Variants in SBF2 observed in about 807,000 individuals in gnomAD.
SBF2 encodes SET binding factor 2.
In SBF2, 112 loss-of-function variants were observed where a neutral mutation model predicts 225.2. That is an observed-to-expected ratio of 0.50 (90% confidence interval 0.43 to 0.58). The LOEUF (loss-of-function observed/expected upper bound fraction) is 0.58, where lower values mean the gene tolerates loss of function less well. Ranked by LOEUF, SBF2 falls within the 20% of genes least tolerant of loss-of-function variation. The pLI is 0.00. For missense variants in SBF2, 1,996 were observed against 2,206.2 expected, an observed-to-expected ratio of 0.90 and a Z score of 1.91; for synonymous variants, 763 against 773.3, an observed-to-expected ratio of 0.99 and a Z score of 0.22.
intron 17 of SBF2, among the ~76,000 whole-genome samples, chr11:9,882,563 C>A (rs796619502): frequency 6.6e-6 from 1 of 152,100 alleles, no homozygotes; most frequent in Non-Finnish European, 1.5e-5. Flanking sequence ...AATCCCAGCA[C>A]TTTGGGAGGC....
intron 4 of SBF2, 48 bp downstream of exon 4, chr11:10,031,000 G>A (rs201365586): frequency 6.7e-7 from 1 of 1,499,676 alleles, no homozygotes; most frequent in African/African-American, 1.4e-5. Flanking sequence ...TCATTCAAGA[G>A]ACTCACACAA....
Position 9,956,646 on chromosome 11 carries a change from G to T in SBF2, c.1860+5311C>A, listed in dbSNP as rs184671867. 1.8e-4 allele frequency: 27 copies of T among 148,830 alleles called. No individual in the cohort carries two copies. The East Asian group carries it at 5.4e-3, about 30-fold the overall frequency. The allele number at this position is 148,830 out of a possible 1,614,324, so 9.2% of individuals were successfully genotyped here. A position where few individuals can be genotyped will look rare whatever the true frequency, so the allele number is the denominator to read the frequency against. Reference sequence around the variant, plus strand: ...TGGGCAGTTACACAATTTGTTTATAGTAAGGAGTTGTCTGACTTTGAGCAT... The same window carrying T: ...TGGGCAGTTACACAATTTGTTTATATTAAGGAGTTGTCTGACTTTGAGCAT... On this transcript the variant is annotated intron_variant, in intron 16 of 39. Transcript: ENST00000256190.
chr11:10,143,982 G>A (rs1469302219), intron 2 of SBF2, among the ~76,000 whole-genome samples: 1 of 152,266 alleles, frequency 6.6e-6, no homozygotes, highest in South Asian at 2.1e-4. Context: ...GCCTCCCAAA[G>A]TGCTGGGATT....
chr11:10,266,563 T>A (rs1290137271), intron 1 of SBF2, among the ~76,000 whole-genome samples: 1 of 152,050 alleles, frequency 6.6e-6, no homozygotes, highest in Admixed American at 6.6e-5. Flanking sequence ...AAACATTCCT[T>A]TTAAAAAAAA....
In SBF2 at chr11:9,941,956, T is replaced by TA. The variant is rs532437780; in HGVS notation, c.1860+20000dup. On this transcript the variant is annotated intron_variant, in intron 16 of 39. Coordinates refer to ENST00000256190, the MANE Select transcript of SBF2 (RefSeq NM_030962.4). ...AAGTTTACTGTATTTCTATATATTT[T>TA]AAAAAAAGCAATTAGAAAATGCAAT... Among the ~76,000 whole-genome samples, 577 of 152,286 alleles carry TA rather than the reference T, an allele frequency of 3.8e-3. 4 individuals are homozygous for TA. The highest frequency in any genetic ancestry group is 5.4e-3 in the South Asian group (26 of 4,832).
At chr11:9,950,140 G>A (rs1311687879) in intron 16 of SBF2, among the ~76,000 whole-genome samples, 1 of 149,498 alleles carries the variant, frequency 6.7e-6, no homozygotes, top group Non-Finnish European at 1.5e-5. Context: ...CTTCTCGTAA[G>A]CAGGGATTAA....
At chr11:10,087,733 G>T (rs1175811785) in intron 2 of SBF2, among the ~76,000 whole-genome samples, 1 of 152,120 alleles carries the variant, frequency 6.6e-6, no homozygotes, top group Non-Finnish European at 1.5e-5. Flanking sequence ...TGTATATTTT[G>T]ATTTATTTCC....
At chr11:9,860,990 T>C (rs2134015211) in intron 17 of SBF2, among the ~76,000 whole-genome samples, 1 of 152,360 alleles carries the variant, frequency 6.6e-6, no homozygotes, top group East Asian at 1.9e-4. Flanking sequence ...GTATATTTGC[T>C]TTCCTTGGCA....
intron 16 of SBF2, among the ~76,000 whole-genome samples, chr11:9,918,034 CTTCT>C (rs1863254028): frequency 6.6e-6 from 1 of 151,144 alleles, no homozygotes; most frequent in South Asian, 2.1e-4. Flanking sequence ...GCAAAGTGAC[CTTCT>C]TTCTATCTAT....
chr11:10,264,477 A>G (rs1287743716), intron 1 of SBF2, among the ~76,000 whole-genome samples: 1 of 152,188 alleles, frequency 6.6e-6, no homozygotes, highest in Non-Finnish European at 1.5e-5. Flanking sequence ...TATTAATTCA[A>G]TATGTATTTA....
Position 9,779,938 on chromosome 11 carries a change from C to T in SBF2, c.*480G>A, listed in dbSNP as rs148002177. 2.8e-4 allele frequency: 64 copies of T among 226,006 alleles called. No individual in the cohort carries two copies. The highest frequency in any genetic ancestry group is 1.1e-3 in the Admixed American group (22 of 19,688). 14.0% of individuals were successfully genotyped at this position (226,006 alleles called of 1,614,324 possible). A position where few individuals can be genotyped will look rare whatever the true frequency, so the allele number is the denominator to read the frequency against. ...GGCAGCACCAGAGAACTGAGCATCT[C>T]AAAGGTCAGGCATTACAAGTAGATG... On this transcript the variant is annotated 3_prime_UTR_variant, in exon 40 of 40. Transcript: ENST00000256190.
At chr11:10,115,839 A>C (rs1328133232) in intron 2 of SBF2, among the ~76,000 whole-genome samples, 3 of 152,192 alleles carry the variant, frequency 2.0e-5, no homozygotes, top group South Asian at 2.1e-4. Context: ...GTAAGTTATA[A>C]TACTACTACA....
At position 10,059,751 on chromosome 11, in the gene SBF2, GA is replaced by G; in HGVS notation, c.142-16771del. On this transcript the variant is annotated intron_variant, in intron 2 of 39. Transcript: ENST00000256190. Reference sequence around the variant, plus strand: ...TTGCTCAAAACCATACAATTATTTGGAAAATAAACAACATGCTCCTGAGTGA... The same window carrying G: ...TTGCTCAAAACCATACAATTATTTGGAAATAAACAACATGCTCCTGAGTGA... 2.0e-5 allele frequency among the ~76,000 whole-genome samples: 3 copies of G among 152,240 alleles called. No homozygotes were observed. The Middle Eastern group carries it at 0.01, about 518-fold the overall frequency.
At chr11:9,971,684 A>G (rs1946465991) in intron 13 of SBF2, among the ~76,000 whole-genome samples, 1 of 152,128 alleles carries the variant, frequency 6.6e-6, no homozygotes, top group Non-Finnish European at 1.5e-5. Flanking sequence ...GTCTCAAGAA[A>G]GGAAAAAGAA....
intron 2 of SBF2, among the ~76,000 whole-genome samples, chr11:10,072,802 G>C (rs61644008): frequency 6.8e-6 from 1 of 147,200 alleles, no homozygotes; most frequent in Non-Finnish European, 1.5e-5. Flanking sequence ...CACCATCTCA[G>C]ATCACTGCTG....
upstream of SBF2, among the ~76,000 whole-genome samples, chr11:10,294,715 C>G (rs1362881154): frequency 6.6e-6 from 1 of 152,226 alleles, no homozygotes; most frequent in Non-Finnish European, 1.5e-5. Context: ...GAGGCTTTTA[C>G]GCAATCCTCC....
At chr11:9,783,581 T>G (rs1852174596) in intron 38 of SBF2, among the ~76,000 whole-genome samples, 1 of 152,346 alleles carries the variant, frequency 6.6e-6, no homozygotes, top group African/African-American at 2.4e-5. Flanking sequence ...GCAGAGTTGC[T>G]GGAGGTTTGG....
rs1284778950 is a variant in SBF2 at position 10,272,292 on chromosome 11, A to C, written c.55+21723T>G. The stretch of plus-strand genomic sequence containing the variant: ...GCGCTGGGCTCCTAGGGGCTGCAGC[A>C]ATCTTGATTCTTTAGGAGAATGACA... On this transcript the variant is annotated intron_variant, in intron 1 of 39. Coordinates refer to ENST00000256190, the MANE Select transcript of SBF2 (RefSeq NM_030962.4). 3 of 1,014,918 alleles carry C rather than the reference A, an allele frequency of 3.0e-6. 1 individual carries two copies. Among genetic ancestry groups the C allele is most frequent in the Admixed American group, 5.0e-5 (2 of 39,764 alleles). 62.9% of individuals were successfully genotyped at this position (1,014,918 alleles called of 1,614,324 possible).
intron 1 of SBF2, among the ~76,000 whole-genome samples, chr11:10,263,857 C>T (rs6484142): frequency 0.13 from 19,064 of 152,032 alleles, 1,345 homozygotes; most frequent in African/African-American, 0.15. Context: ...CACTTAAAAA[C>T]GAAAAAACAA....
Sources: allele counts gnomAD v4.1 joint callset (sites outside exome capture counted in the v4.1 genomes callset), GRCh38; gene constraint gnomAD v4.1.1; transcripts MANE v1.5; gene names NCBI Gene and HGNC (gene_info 2026-07-23, HGNC 2026-07-21).